Variants in NCAM2 observed in about 807,000 individuals in gnomAD.
NCAM2 encodes the protein N-CAM-2.
NCAM2 carries 30 observed loss-of-function variants against 98.1 expected under a neutral mutation model. The observed-to-expected ratio is 0.31, with a 90% CI of 0.23 to 0.41. The LOEUF (loss-of-function observed/expected upper bound fraction) is 0.41. NCAM2 is among the 10% of genes least tolerant of loss of function. NCAM2 has a pLI of 1.00. For synonymous variants in NCAM2, 368 were observed against 342.4 expected (o/e 1.07, Z -0.83); for missense variants, 867 against 1,005.8 (o/e 0.86, Z 1.87).
Position 21,509,067 on chromosome 21 carries a change from G to T in NCAM2, c.2282+12G>T. On this transcript the variant is annotated intron_variant, in intron 16 of 17. Transcript: ENST00000400546. ...AAAGCTGCATACCTGTGAGTATCAG[G>T]CATCTACATCATGTCATATTAAACA... 1 of 1,612,806 alleles carries T rather than the reference G, an allele frequency of 6.2e-7. No homozygotes were observed. Among genetic ancestry groups the T allele is most frequent in the Non-Finnish European group, 8.5e-7 (1 of 1,179,438 alleles).
chr21:21,533,639 C>A (rs1989828076), intron 16 of NCAM2, among the ~76,000 whole-genome samples: 1 of 133,200 alleles, frequency 7.5e-6, no homozygotes, highest in Non-Finnish European at 1.6e-5. Flanking sequence ...AGTCCCCAAC[C>A]CTTCTTTAGT....
intron 13 of NCAM2, 143 bp downstream of exon 13, chr21:21,466,868 C>A: frequency 1.1e-6 from 1 of 889,558 alleles, no homozygotes. Context: ...AAGACAGTGA[C>A]ATCTGAGATT....
chr21:21,435,295 T>C (rs1288747611), intron 12 of NCAM2, among the ~76,000 whole-genome samples: 2 of 152,216 alleles, frequency 1.3e-5, no homozygotes, highest in East Asian at 1.9e-4. Context: ...ATCAATCCTC[T>C]GTAAAAGCAG....
At chr21:21,132,175 A>C (rs556233086) in intron 1 of NCAM2, among the ~76,000 whole-genome samples, 1 of 151,360 alleles carries the variant, frequency 6.6e-6, no homozygotes, top group Non-Finnish European at 1.5e-5. Context: ...TCATCTCCCT[A>C]TCTCTCCCTC....
At chr21:21,108,778 T>C (rs568155975) in intron 1 of NCAM2, among the ~76,000 whole-genome samples, 23 of 152,224 alleles carry the variant, frequency 1.5e-4, no homozygotes, top group African/African-American at 5.3e-4. Flanking sequence ...CTTATTGTAT[T>C]GGAAAAACTA....
chr21:21,483,493 T>C (rs1438249937), intron 15 of NCAM2, among the ~76,000 whole-genome samples: 1 of 152,072 alleles, frequency 6.6e-6, no homozygotes, highest in Non-Finnish European at 1.5e-5. Context: ...ACCTCAACTC[T>C]AGTTTCAAGC....
intron 9 of NCAM2, among the ~76,000 whole-genome samples, chr21:21,395,794 ATAAT>A (rs2145848312): frequency 6.7e-6 from 1 of 149,640 alleles, no homozygotes; most frequent in East Asian, 2.2e-4. Context: ...CGGTACTGGG[ATAAT>A]TGGCAAGCCA....
In NCAM2 at chr21:21,353,007, C is replaced by T. The variant is rs958496114; in HGVS notation, c.1044+14473C>T. ...TAGCTGGGATTACAGGTGCCCGCCACCATGCCCAGATAATTTTTGTATTTT... is the reference window on the plus strand; with the variant it reads ...TAGCTGGGATTACAGGTGCCCGCCATCATGCCCAGATAATTTTTGTATTTT... On this transcript the variant is annotated intron_variant, in intron 8 of 17. Transcript: ENST00000400546. Among the ~76,000 whole-genome samples, 4 of 152,054 alleles carry T rather than the reference C, an allele frequency of 2.6e-5. No homozygotes were observed. In the South Asian group the frequency reaches 8.3e-4, roughly 31 times the overall value.
intron 1 of NCAM2, among the ~76,000 whole-genome samples, chr21:21,086,150 C>T (rs549713247): frequency 1.4e-4 from 22 of 152,244 alleles, no homozygotes; most frequent in African/African-American, 5.3e-4. Flanking sequence ...GTAATCAATC[C>T]ACACATTTCC....
chr21:21,214,746 T>TATATATATATATATAC (rs11268201), intron 1 of NCAM2, among the ~76,000 whole-genome samples: 4,759 of 100,032 alleles, frequency 0.048, 164 homozygotes, highest in South Asian at 0.068. Flanking sequence ...TATATATATA[T>TATATATATATATATAC]ACACTATATA....
intron 1 of NCAM2, among the ~76,000 whole-genome samples, chr21:21,100,067 T>C (rs1372798875): frequency 6.6e-6 from 1 of 151,964 alleles, no homozygotes; most frequent in Admixed American, 6.6e-5. Flanking sequence ...GGAAAAGGCC[T>C]ACATAGCCAA....
At position 21,509,012 on chromosome 21, in the gene NCAM2, A is replaced by T; in HGVS notation, c.2239A>T (p.Ser747Cys). Residue 747 changes from serine (S) to cysteine (C), a missense_variant, in exon 16 of 18, where the codon AGT becomes TGT. Physicochemically the swap from Ser to Cys is moderately radical, Grantham distance 112. This residue lies in a region of NCAM2 where 125 missense variants were observed against 116.1 expected (regional missense o/e 1.08). Transcript: ENST00000400546. Reference sequence around the variant, plus strand: ...AATGTGTGGAAAGAAAAGTGGCTCCAGTGGCAAAAGTAAAGAACTCGAAGA... The same window carrying T: ...AATGTGTGGAAAGAAAAGTGGCTCCTGTGGCAAAAGTAAAGAACTCGAAGA... ...RRMCGKKSGS[S>C]GKSKELEEGK... is the part of the protein sequence containing the mutation. 6.2e-7 allele frequency: 1 copy of T among 1,613,408 alleles called. No homozygotes were observed. Among genetic ancestry groups the T allele is most frequent in the Non-Finnish European group, 8.5e-7 (1 of 1,179,714 alleles).
At chr21:21,419,046 G>C (rs537840214) in intron 11 of NCAM2, among the ~76,000 whole-genome samples, 1 of 152,048 alleles carries the variant, frequency 6.6e-6, no homozygotes. Flanking sequence ...AGACTTTAGC[G>C]TGTCTATAAC....
chr21:21,235,520 A>T (rs754048741), intron 1 of NCAM2, among the ~76,000 whole-genome samples: 2 of 152,080 alleles, frequency 1.3e-5, no homozygotes, highest in African/African-American at 2.4e-5. Flanking sequence ...ATTCTCCAGA[A>T]ATACCTAAAA....
intron 6 of NCAM2, among the ~76,000 whole-genome samples, chr21:21,333,529 C>T (rs954192912): frequency 2.0e-5 from 3 of 152,148 alleles, no homozygotes; most frequent in African/African-American, 7.2e-5. Flanking sequence ...ATACATCAAA[C>T]ATTTAGCACA....
intron 1 of NCAM2, among the ~76,000 whole-genome samples, chr21:21,145,565 G>T (rs2067254784): frequency 6.6e-6 from 1 of 152,002 alleles, no homozygotes; most frequent in South Asian, 2.1e-4. Context: ...TTAGTTCCTT[G>T]CTGTTCTGCA....
chr21:21,364,119 C>T (rs760905202), intron 8 of NCAM2, among the ~76,000 whole-genome samples: 9 of 152,022 alleles, frequency 5.9e-5, no homozygotes, highest in Non-Finnish European at 1.3e-4. Flanking sequence ...TTTAGCCACT[C>T]ATCTCTTAGA....
chr21:21,033,483 G>T (rs1021749987), intron 1 of NCAM2, among the ~76,000 whole-genome samples: 1 of 152,108 alleles, frequency 6.6e-6, no homozygotes, highest in African/African-American at 2.4e-5. Flanking sequence ...GATGGTGGAC[G>T]CTTAAATATC....
intron 1 of NCAM2, among the ~76,000 whole-genome samples, chr21:21,194,964 T>G (rs2068954191): frequency 6.6e-6 from 1 of 152,188 alleles, no homozygotes; most frequent in South Asian, 2.1e-4. Context: ...TTCTAAGAAT[T>G]CAAATTTTTT....
Sources: gnomAD v4.1 joint callset for allele counts (sites outside exome capture counted in the v4.1 genomes callset) on GRCh38, gnomAD v4.1.1 for gene constraint, gnomAD v4.1.1 regional missense constraint, MANE v1.5 for transcripts, NCBI Gene and HGNC (gene_info 2026-07-23, HGNC 2026-07-21) for gene names.